The following ADAM22 variants were observed in gnomAD, a reference collection of about 807,000 sequenced individuals.
The protein encoded by ADAM22 is ADAM metallopeptidase domain 22, also known as disintegrin and metalloproteinase domain-containing protein 22.
ADAM22 carries 65 observed loss-of-function variants against 144.6 expected under a neutral mutation model. That is an observed-to-expected ratio of 0.45 (90% confidence interval 0.37 to 0.55). The LOEUF (loss-of-function observed/expected upper bound fraction) is 0.55. Ranked by LOEUF, ADAM22 falls within the 20% of genes least tolerant of loss-of-function variation. The pLI, the probability that ADAM22 is intolerant of heterozygous loss-of-function variation, is 0.00. For synonymous variants in ADAM22, 391 were observed against 412.6 expected (o/e 0.95, Z 0.63); for missense variants, 974 against 1,184.9 (o/e 0.82, Z 2.61).
intron 4 of ADAM22, among the ~76,000 whole-genome samples, chr7:88,106,183 A>G (rs996393450): frequency 6.6e-6 from 1 of 152,142 alleles, no homozygotes; most frequent in African/African-American, 2.4e-5. Context: ...TCTGGGTTCC[A>G]TTCCCTGTAC....
At chr7:87,950,905 T>C (rs1197986141) in intron 2 of ADAM22, among the ~76,000 whole-genome samples, 16 of 151,848 alleles carry the variant, frequency 1.1e-4, no homozygotes, top group Admixed American at 5.2e-4. Context: ...ATGAGCATTT[T>C]TTCATGTGTT....
intron 2 of ADAM22, among the ~76,000 whole-genome samples, chr7:87,950,092 T>A (rs1844673524): frequency 6.6e-6 from 1 of 152,100 alleles, no homozygotes; most frequent in Non-Finnish European, 1.5e-5. Context: ...CAAGAATTTA[T>A]ATCTCAGTGT....
intron 27 of ADAM22, among the ~76,000 whole-genome samples, chr7:88,180,734 G>GTT (rs1043793851): frequency 6.6e-6 from 1 of 152,048 alleles, no homozygotes; most frequent in Non-Finnish European, 1.5e-5. Context: ...TTCTTAAGCA[G>GTT]TTAAAAGTTC....
intron 2 of ADAM22, among the ~76,000 whole-genome samples, chr7:87,943,664 A>G (rs903635561): frequency 1.2e-4 from 19 of 152,158 alleles, no homozygotes; most frequent in Non-Finnish European, 2.8e-4. Flanking sequence ...TGTTCTCTGT[A>G]ACTTGATTTT....
intron 3 of ADAM22, among the ~76,000 whole-genome samples, chr7:88,071,607 A>G (rs1253657418): frequency 5.3e-5 from 8 of 152,088 alleles, no homozygotes; most frequent in Non-Finnish European, 4.4e-5. Context: ...CACAAAGGAT[A>G]ATCATTATTA....
intron 7 of ADAM22, among the ~76,000 whole-genome samples, chr7:88,119,249 C>A (rs1828616848): frequency 1.3e-5 from 2 of 152,128 alleles, no homozygotes; most frequent in Non-Finnish European, 2.9e-5. Flanking sequence ...TTTTACATAC[C>A]TACACTCTTG....
chr7:88,005,606 C>G (rs1159413430), intron 3 of ADAM22, among the ~76,000 whole-genome samples: 2 of 152,058 alleles, frequency 1.3e-5, no homozygotes, highest in Non-Finnish European at 2.9e-5. Context: ...CTATTATACA[C>G]AGATGCTTAA....
rs568325810 is a variant in ADAM22, at chr7:88,200,338, A to G, written c.*3847A>G. 1 of 152,118 alleles carries G rather than the reference A, an allele frequency of 6.6e-6. No homozygotes were observed. Among genetic ancestry groups the G allele is most frequent in the Non-Finnish European group, 1.5e-5 (1 of 67,974 alleles). The allele number at this position is 152,118 out of a possible 1,614,324, so 9.4% of individuals were successfully genotyped here. On this transcript the variant is annotated 3_prime_UTR_variant, in exon 32 of 32. Coordinates refer to ENST00000413139, the MANE Select transcript of ADAM22 (RefSeq NM_001324418.2). ...TTTTACTTTATTTTACTTAAAGGAA[A>G]GAGAATTTATTGGCAGGATATTGAG...
Position 88,010,671 on chromosome 7 carries a change from C to T in ADAM22, c.323+32259C>T, listed in dbSNP as rs773539722. On this transcript the variant is annotated intron_variant, in intron 3 of 31. Transcript: ENST00000413139. ...GGTGATGTGCCCACCTCAACTTTTC[C>T]GTGTCTCTCCATGAGTCTAGCAAGT... Among the ~76,000 whole-genome samples, 4 of 152,236 alleles carry T rather than the reference C, an allele frequency of 2.6e-5. No homozygotes were observed. The East Asian group carries it at 5.8e-4, about 22-fold the overall frequency.
rs182647134 is a variant in ADAM22, at chr7:88,009,792, G to A, written c.323+31380G>A. 7.0e-4 allele frequency among the ~76,000 whole-genome samples: 106 copies of A among 152,112 alleles called. 1 individual carries two copies. Among genetic ancestry groups the A allele is most frequent in the Non-Finnish European group, 8.5e-4 (58 of 67,982 alleles). ...TATCCTTCAGTTGGAGGCATCATGG[G>A]GTGCATCCCTGTGGTAAGAGGTCTT... On this transcript the variant is annotated intron_variant, in intron 3 of 31. Coordinates refer to ENST00000413139, the MANE Select transcript of ADAM22 (RefSeq NM_001324418.2).
chr7:88,101,224 C>T (rs959033924), intron 4 of ADAM22, among the ~76,000 whole-genome samples: 1 of 151,672 alleles, frequency 6.6e-6, no homozygotes, highest in Non-Finnish European at 1.5e-5. Context: ...GCCAGGTTGG[C>T]AACTACTGTG....
chr7:88,146,129 T>G (rs1836328715), intron 17 of ADAM22, among the ~76,000 whole-genome samples: 1 of 152,210 alleles, frequency 6.6e-6, no homozygotes, highest in Non-Finnish European at 1.5e-5. Flanking sequence ...TTACTTCCCC[T>G]AAAGAAATCT....
In ADAM22 at chr7:87,978,934, C is replaced by T. The variant is rs182024951; in HGVS notation, c.323+522C>T. ...TATAATTTTAGAAATAGTTGTCTAT[C>T]TAGAATTTTAGGTTTGGAAGGTGCT... On this transcript the variant is annotated intron_variant, in intron 3 of 31. Transcript: ENST00000413139. Among the ~76,000 whole-genome samples, 146 of 152,004 alleles carry T rather than the reference C, an allele frequency of 9.6e-4. 1 individual carries two copies. The South Asian group carries it at 0.019, about 20-fold the overall frequency.
intron 3 of ADAM22, among the ~76,000 whole-genome samples, chr7:88,011,401 A>G (rs1795366492): frequency 1.3e-5 from 2 of 152,116 alleles, no homozygotes; most frequent in South Asian, 2.1e-4. Context: ...TTAGCCAGGC[A>G]TGGTGGCAGG....
At chr7:87,982,044 CATATAT>C (rs57982467) in intron 3 of ADAM22, among the ~76,000 whole-genome samples, 15,299 of 112,656 alleles carry the variant, frequency 0.14, 1,266 homozygotes, top group Non-Finnish European at 0.16. Context: ...ATGTTTATTT[CATATAT>C]ATATATATAT....
At chr7:88,124,786 C>T (rs965028465) in intron 7 of ADAM22, among the ~76,000 whole-genome samples, 13 of 151,968 alleles carry the variant, frequency 8.6e-5, no homozygotes, top group South Asian at 2.1e-4. Context: ...TTTCCTTACC[C>T]GATTTTATTA....
At chr7:88,145,375 C>A in intron 16 of ADAM22, 40 bp from the exon 17 acceptor site, 1 of 1,549,232 alleles carries the variant, frequency 6.5e-7, no homozygotes, top group Non-Finnish European at 8.8e-7. Flanking sequence ...AGGAAAGTGA[C>A]ACCGTTTTCT....
intron 2 of ADAM22, among the ~76,000 whole-genome samples, chr7:87,957,826 G>T (rs1847145784): frequency 2.0e-5 from 3 of 152,024 alleles, no homozygotes; most frequent in Admixed American, 2.0e-4. Context: ...CAGGTGATCT[G>T]CCCACCTCGG....
chr7:87,935,555 T>G (rs769643015), intron 2 of ADAM22, among the ~76,000 whole-genome samples: 5 of 152,120 alleles, frequency 3.3e-5, no homozygotes, highest in Non-Finnish European at 7.4e-5. Flanking sequence ...GTTTTACTCC[T>G]CAAAGAGACT....
Sources: allele counts gnomAD v4.1 joint callset (sites outside exome capture counted in the v4.1 genomes callset), GRCh38; gene constraint gnomAD v4.1.1; transcripts MANE v1.5; gene names NCBI Gene and HGNC (gene_info 2026-07-23, HGNC 2026-07-21).